The following NARS2 variants were observed in gnomAD, a reference collection of about 807,000 sequenced individuals.
NARS2 encodes the protein asparaginyl-tRNA synthetase.
Under a neutral mutation model 62.9 loss-of-function variants are expected in NARS2, and 60 were observed. That is an observed-to-expected ratio of 0.95 (90% confidence interval 0.77 to 1.18). The LOEUF is 1.18. Ranked by LOEUF, NARS2 falls within the 50% of genes most tolerant of loss-of-function variation. NARS2 has a pLI of 0.00. For missense variants in NARS2, 619 were observed against 576.4 expected, an observed-to-expected ratio of 1.07 and a Z score of -0.76; for synonymous variants, 196 against 200.0, an observed-to-expected ratio of 0.98 and a Z score of 0.17.
intron 5 of NARS2, among the ~76,000 whole-genome samples, chr11:78,538,814 T>C (rs1180515326): frequency 2.0e-5 from 3 of 150,836 alleles, no homozygotes; most frequent in Non-Finnish European, 4.4e-5. Context: ...GCTAACACGG[T>C]GAAACCCCGT....
At chr11:78,489,440 C>T (rs1016811002) in intron 7 of NARS2, among the ~76,000 whole-genome samples, 2 of 152,156 alleles carry the variant, frequency 1.3e-5, no homozygotes, top group African/African-American at 2.4e-5. Flanking sequence ...CCTGACAGTA[C>T]TTGGTACTAA....
intron 6 of NARS2, among the ~76,000 whole-genome samples, chr11:78,514,288 A>C (rs1271751065): frequency 6.6e-6 from 1 of 152,042 alleles, no homozygotes. Context: ...TGTCTGGCTA[A>C]GTTTTGTATT....
intron 2 of NARS2, among the ~76,000 whole-genome samples, chr11:78,570,139 G>A (rs1004691701): frequency 1.3e-5 from 2 of 152,034 alleles, no homozygotes; most frequent in African/African-American, 2.4e-5. Context: ...GCAGTGAACC[G>A]AGATCATGCC....
At chr11:78,507,440 A>ATTTTTTTT (rs1860543900) in intron 6 of NARS2, among the ~76,000 whole-genome samples, 1 of 151,954 alleles carries the variant, frequency 6.6e-6, no homozygotes, top group South Asian at 2.1e-4. Flanking sequence ...TAAAAACAGC[A>ATTTTTTTT]AGCCCTGGGG....
At chr11:78,481,666 T>C (rs1859360608) in intron 7 of NARS2, among the ~76,000 whole-genome samples, 1 of 152,160 alleles carries the variant, frequency 6.6e-6, no homozygotes, top group African/African-American at 2.4e-5. Flanking sequence ...TTAGCGTAAC[T>C]CAGATGTCTT....
At chr11:78,513,772 T>C (rs1860803828) in intron 6 of NARS2, among the ~76,000 whole-genome samples, 1 of 152,136 alleles carries the variant, frequency 6.6e-6, no homozygotes, top group African/African-American at 2.4e-5. Flanking sequence ...CCTCATGATA[T>C]AGTTGGGCTA....
At chr11:78,511,858 T>C (rs1860735352) in intron 6 of NARS2, among the ~76,000 whole-genome samples, 1 of 152,134 alleles carries the variant, frequency 6.6e-6, no homozygotes, top group African/African-American at 2.4e-5. Flanking sequence ...TATGGGCTGG[T>C]TGAAGGTATT....
chr11:78,443,516 A>G (rs1160994264), intron 12 of NARS2, 145 bp downstream of exon 12: 2 of 469,046 alleles, frequency 4.3e-6, no homozygotes, highest in East Asian at 6.1e-5. Context: ...TAAACTAACA[A>G]CTTGCTCAAG....
chr11:78,574,249 G>A (rs1857033877), intron 1 of NARS2, 99 bp downstream of exon 1: 1 of 1,482,702 alleles, frequency 6.7e-7, no homozygotes, highest in African/African-American at 1.4e-5. Flanking sequence ...TTCCCTGCTG[G>A]CGGTTGTGTC....
intron 11 of NARS2, among the ~76,000 whole-genome samples, chr11:78,448,857 C>T (rs1182519987): frequency 6.6e-6 from 1 of 152,150 alleles, no homozygotes; most frequent in Non-Finnish European, 1.5e-5. Context: ...GCTAAGATAA[C>T]TAAAACAAAC....
chr11:78,529,040 A>T (rs1254189582), intron 5 of NARS2, 104 bp from the exon 6 acceptor site: 1 of 736,444 alleles, frequency 1.4e-6, no homozygotes, highest in Non-Finnish European at 2.3e-6. Context: ...AATTAAATCT[A>T]TGTGAAGGCA....
At chr11:78,544,725 C>T (rs1207899950) in intron 5 of NARS2, among the ~76,000 whole-genome samples, 4 of 136,476 alleles carry the variant, frequency 2.9e-5, no homozygotes, top group African/African-American at 8.3e-5. Context: ...ACCTGGGAGA[C>T]GGAGTTTGCA....
At chr11:78,503,186 T>C (rs553748888) in intron 6 of NARS2, among the ~76,000 whole-genome samples, 1 of 152,030 alleles carries the variant, frequency 6.6e-6, no homozygotes, top group East Asian at 1.9e-4. Flanking sequence ...GCAGTCCAAA[T>C]CCAGGGCCCA....
chr11:78,545,514 A>G (rs114653008), intron 5 of NARS2, among the ~76,000 whole-genome samples: 1,611 of 147,158 alleles, frequency 0.011, 35 homozygotes, highest in African/African-American at 0.04. Flanking sequence ...TATGTCCGTC[A>G]TGCTTTTTCC....
intron 6 of NARS2, among the ~76,000 whole-genome samples, chr11:78,524,200 G>C (rs1400226251): frequency 6.6e-6 from 1 of 151,950 alleles, no homozygotes; most frequent in Non-Finnish European, 1.5e-5. Context: ...GTATACTTAG[G>C]TTTAACAAAT....
At chr11:78,502,517 C>A (rs1037888156) in intron 6 of NARS2, among the ~76,000 whole-genome samples, 2 of 152,144 alleles carry the variant, frequency 1.3e-5, no homozygotes, top group East Asian at 1.9e-4. Context: ...TAGGACAATA[C>A]AACATATGAA....
intron 4 of NARS2, among the ~76,000 whole-genome samples, chr11:78,562,347 T>C (rs1233214241): frequency 2.0e-5 from 3 of 152,100 alleles, no homozygotes; most frequent in East Asian, 1.9e-4. Flanking sequence ...GGAGGATCAA[T>C]TGGGCCTGGG....
At chr11:78,499,991 C>T (rs1590782096) in intron 6 of NARS2, among the ~76,000 whole-genome samples, 2 of 152,158 alleles carry the variant, frequency 1.3e-5, no homozygotes, top group African/African-American at 4.8e-5. Flanking sequence ...CTCTGAGGAC[C>T]ACTAAAGAGA....
intron 5 of NARS2, among the ~76,000 whole-genome samples, chr11:78,550,179 T>C (rs1409055491): frequency 6.6e-6 from 1 of 152,208 alleles, no homozygotes; most frequent in African/African-American, 2.4e-5. Context: ...GATGGCTGAA[T>C]TTCTCAAGCA....
Sources: allele counts gnomAD v4.1 joint callset (sites outside exome capture counted in the v4.1 genomes callset), GRCh38; gene constraint gnomAD v4.1.1; transcripts MANE v1.5; gene names NCBI Gene and HGNC (gene_info 2026-07-23, HGNC 2026-07-21).